CCDC171: variants seen among roughly 807,000 people sequenced by gnomAD.
The protein encoded by CCDC171 is coiled-coil domain containing 171, also known as coiled-coil domain-containing protein 171.
Under a neutral mutation model 168.2 loss-of-function variants are expected in CCDC171, and 177 were observed. That is an observed-to-expected ratio of 1.05 (90% CI 0.93 to 1.19). CCDC171 has a LOEUF of 1.19. CCDC171 is among the 50% of genes most tolerant of loss of function. The probability of loss-of-function intolerance (pLI) is 0.00; values close to 1 mark genes in which losing one functional copy is unlikely to be tolerated. For synonymous variants in CCDC171, 687 were observed against 540.8 expected, an observed-to-expected ratio of 1.27 and a Z score of -3.75; for missense variants, 1,991 against 1,539.0, an observed-to-expected ratio of 1.29 and a Z score of -4.91.
intron 7 of CCDC171, among the ~76,000 whole-genome samples, chr9:15,624,820 A>G (rs562905797): frequency 1.3e-5 from 2 of 152,302 alleles, no homozygotes; most frequent in East Asian, 1.9e-4. Context: ...TCCTTTGGGT[A>G]TATGCCCAGT....
intron 1 of CCDC171, among the ~76,000 whole-genome samples, chr9:15,557,804 C>T (rs1180698626): frequency 6.6e-6 from 1 of 152,082 alleles, no homozygotes; most frequent in African/African-American, 2.4e-5. Flanking sequence ...GGGGGCATCC[C>T]TGTCTTGTGC....
the CCDC171 span, among the ~76,000 whole-genome samples, chr9:16,086,029 A>AGAAGGAATGGT: frequency 2.8e-5 from 2 of 71,544 alleles, no homozygotes; most frequent in Non-Finnish European, 6.9e-5. Context: ...GAATAGTTTC[A>AGAAGGAATGGT]CCAGCTCCTT....
At chr9:15,947,369 C>A (rs777827000) in intron 25 of CCDC171, among the ~76,000 whole-genome samples, 1 of 151,958 alleles carries the variant, frequency 6.6e-6, no homozygotes, top group Non-Finnish European at 1.5e-5. Flanking sequence ...CCCCCATCTC[C>A]CTAGATCCTG....
chr9:15,586,534 A>C (rs2041573361), intron 4 of CCDC171, among the ~76,000 whole-genome samples: 1 of 152,174 alleles, frequency 6.6e-6, no homozygotes, highest in Admixed American at 6.5e-5. Context: ...ATAAACTGGA[A>C]GCACCAGATA....
intron 9 of CCDC171, among the ~76,000 whole-genome samples, chr9:15,669,736 T>C (rs2048974724): frequency 6.6e-6 from 1 of 152,206 alleles, no homozygotes; most frequent in Admixed American, 6.5e-5. Context: ...ACATCATTAG[T>C]CAAATATATC....
chr9:15,775,511 G>A (rs1420393028), intron 18 of CCDC171, among the ~76,000 whole-genome samples: 2 of 152,080 alleles, frequency 1.3e-5, no homozygotes, highest in Non-Finnish European at 2.9e-5. Flanking sequence ...GTAGAGACAA[G>A]GTTTCACTGT....
intron 8 of CCDC171, among the ~76,000 whole-genome samples, chr9:15,660,193 A>G (rs1371936988): frequency 6.6e-6 from 1 of 152,198 alleles, no homozygotes. Flanking sequence ...AGATCCCTAT[A>G]TTTGAGCATG....
intron 16 of CCDC171, among the ~76,000 whole-genome samples, chr9:15,742,349 T>C (rs2054936438): frequency 6.6e-6 from 1 of 152,270 alleles, no homozygotes; most frequent in South Asian, 2.1e-4. Context: ...TGTGTACTTT[T>C]CAAATTTCCA....
intron 25 of CCDC171, among the ~76,000 whole-genome samples, chr9:15,969,670 A>G (rs193023994): frequency 6.6e-6 from 1 of 152,286 alleles, no homozygotes; most frequent in Non-Finnish European, 1.5e-5. Flanking sequence ...ATAATAAAGA[A>G]TACTGTGGCT....
chr9:15,554,789 T>A (rs1563929560), intron 1 of CCDC171, among the ~76,000 whole-genome samples: 1 of 152,196 alleles, frequency 6.6e-6, no homozygotes, highest in Non-Finnish European at 1.5e-5. Context: ...TGGATTTGAA[T>A]TCTCATTTTC....
chr9:15,641,816 C>A (rs1043434852), intron 7 of CCDC171, among the ~76,000 whole-genome samples: 1 of 152,116 alleles, frequency 6.6e-6, no homozygotes, highest in Non-Finnish European at 1.5e-5. Flanking sequence ...TAGGAAAGGA[C>A]ATGGCAGTCA....
intron 14 of CCDC171, 128 bp from the exon 15 acceptor site, chr9:15,727,741 T>G: frequency 1.6e-6 from 1 of 611,052 alleles, no homozygotes; most frequent in Non-Finnish European, 2.5e-6. Flanking sequence ...CATTAAAATA[T>G]TCTGAGACTT....
At chr9:16,080,454 G>A in the CCDC171 span, among the ~76,000 whole-genome samples, 931 of 152,112 alleles carry the variant, frequency 6.1e-3, 12 homozygotes, top group Middle Eastern at 0.014. Flanking sequence ...TGTTTTCTAC[G>A]TCTTTTTCTC....
chr9:15,834,893 T>A (rs767008123), intron 21 of CCDC171, among the ~76,000 whole-genome samples: 3 of 152,196 alleles, frequency 2.0e-5, no homozygotes, highest in South Asian at 2.1e-4. Context: ...AAAATCAGAG[T>A]ATCAAAGCAA....
intron 10 of CCDC171, among the ~76,000 whole-genome samples, chr9:15,687,651 AAGG>A (rs2050492920): frequency 6.6e-6 from 1 of 152,200 alleles, no homozygotes; most frequent in African/African-American, 2.4e-5. Context: ...CTCATCAAAA[AAGG>A]AGAAGAGATT....
intron 21 of CCDC171, among the ~76,000 whole-genome samples, chr9:15,804,091 A>G (rs1239253307): frequency 1.3e-5 from 2 of 152,060 alleles, no homozygotes; most frequent in Non-Finnish European, 2.9e-5. Flanking sequence ...GTATCCTGAG[A>G]CTTTGCTGAA....
At chr9:15,560,241 G>A (rs1222557518) in intron 1 of CCDC171, among the ~76,000 whole-genome samples, 7 of 151,952 alleles carry the variant, frequency 4.6e-5, no homozygotes, top group Admixed American at 3.3e-4. Context: ...TCTTTGTGGC[G>A]TTCTCTGTAT....
chr9:15,864,703 A>G (rs879006865), intron 23 of CCDC171, among the ~76,000 whole-genome samples: 1 of 152,098 alleles, frequency 6.6e-6, no homozygotes, highest in South Asian at 2.1e-4. Context: ...GAGTAGGATA[A>G]TGTCTGGATT....
At chr9:15,954,161 T>TC (rs1038077716) in intron 25 of CCDC171, among the ~76,000 whole-genome samples, 7 of 151,688 alleles carry the variant, frequency 4.6e-5, no homozygotes, top group Non-Finnish European at 7.4e-5. Context: ...CTTTTTTTTT[T>TC]TTTAGTCTTT....
Sources: allele counts gnomAD v4.1 joint callset (sites outside exome capture counted in the v4.1 genomes callset), GRCh38; gene constraint gnomAD v4.1.1; transcripts MANE v1.5; gene names NCBI Gene and HGNC (gene_info 2026-07-23, HGNC 2026-07-21).